TENM3: variants seen among roughly 807,000 people sequenced by gnomAD.
The protein encoded by TENM3 is teneurin-3.
A neutral mutation model predicts 255.1 loss-of-function variants in TENM3; 63 were observed. The ratio of observed to expected loss-of-function variants is 0.25; its 90% CI spans 0.20 to 0.30. The LOEUF (loss-of-function observed/expected upper bound fraction) is 0.30. TENM3 is among the 10% of genes least tolerant of loss of function. The probability of loss-of-function intolerance (pLI) is 1.00; values close to 1 mark genes in which losing one functional copy is unlikely to be tolerated. For synonymous variants in TENM3, 1,306 were observed against 1,322.3 expected (o/e 0.99, Z 0.27); for missense variants, 2,929 against 3,461.1 (o/e 0.85, Z 3.86).
At chr4:182,278,792 G>C (rs1327291337) in intron 1 of TENM3, among the ~76,000 whole-genome samples, 7 of 152,178 alleles carry the variant, frequency 4.6e-5, no homozygotes. Context: ...AAAATTGGTG[G>C]AGCACTAACT....
chr4:181,609,954 G>A, the TENM3 span, among the ~76,000 whole-genome samples: 7 of 152,052 alleles, frequency 4.6e-5, no homozygotes, highest in African/African-American at 7.3e-5. Context: ...TAAGAAAAAC[G>A]ACTGCCTGAG....
intron 24 of TENM3, among the ~76,000 whole-genome samples, chr4:182,787,505 G>C (rs957943438): frequency 6.6e-6 from 1 of 152,022 alleles, no homozygotes; most frequent in Non-Finnish European, 1.5e-5. Flanking sequence ...AGGCCAAGGT[G>C]GGTGGATCAC....
intron 3 of TENM3, among the ~76,000 whole-genome samples, chr4:182,533,237 G>A (rs887934612): frequency 3.3e-5 from 5 of 152,026 alleles, no homozygotes; most frequent in East Asian, 1.9e-4. Context: ...TATGAATAGG[G>A]GTCTGCAATC....
intron 3 of TENM3, among the ~76,000 whole-genome samples, chr4:182,594,185 T>C (rs1299024661): frequency 6.6e-6 from 1 of 152,180 alleles, no homozygotes; most frequent in Non-Finnish European, 1.5e-5. Flanking sequence ...ATTTTTGATT[T>C]TTATTTTTTT....
chr4:182,729,801 A>C (rs1426272119), intron 14 of TENM3, among the ~76,000 whole-genome samples: 1 of 152,142 alleles, frequency 6.6e-6, no homozygotes, highest in East Asian at 1.9e-4. Context: ...CGCCCCCTTA[A>C]ATCTTATACT....
the TENM3 span, among the ~76,000 whole-genome samples, chr4:181,784,946 G>T: frequency 6.6e-6 from 1 of 152,094 alleles, no homozygotes; most frequent in East Asian, 1.9e-4. Flanking sequence ...AATGTGGCTG[G>T]AGAAATGACA....
the TENM3 span, among the ~76,000 whole-genome samples, chr4:181,927,426 G>C: frequency 2.0e-5 from 3 of 152,228 alleles, no homozygotes; most frequent in African/African-American, 7.2e-5. Context: ...ACTGGGCGGA[G>C]CCCACCGCAG....
chr4:181,514,697 A>G, the TENM3 span, among the ~76,000 whole-genome samples: 1 of 152,194 alleles, frequency 6.6e-6, no homozygotes, highest in Non-Finnish European at 1.5e-5. Flanking sequence ...ACTATAGCAA[A>G]GTCTAAGAAA....
the TENM3 span, among the ~76,000 whole-genome samples, chr4:181,810,479 G>C: frequency 6.6e-6 from 1 of 151,810 alleles, no homozygotes; most frequent in Non-Finnish European, 1.5e-5. Flanking sequence ...TTTCTGCTTG[G>C]GGGGTAGTGA....
the TENM3 span, among the ~76,000 whole-genome samples, chr4:181,575,294 A>G: frequency 6.6e-6 from 1 of 152,098 alleles, no homozygotes; most frequent in Non-Finnish European, 1.5e-5. Context: ...TGTATCAATT[A>G]TTTTCTTGTT....
chr4:182,325,310 CT>C (rs995836475), intron 2 of TENM3, among the ~76,000 whole-genome samples: 1 of 152,260 alleles, frequency 6.6e-6, no homozygotes, highest in African/African-American at 2.4e-5. Flanking sequence ...TTCCATGGTT[CT>C]TTTCTTCCCT....
chr4:182,754,408 C>A lies in TENM3; in HGVS notation c.4041C>A (p.Asp1347Glu). The change falls in exon 22 of 28, where the codon GAC becomes GAA. Residue 1347 changes from aspartate (D) to glutamate (E), a missense_variant. By Grantham distance (45) the Asp-to-Glu change is conservative (BLOSUM62 2). Transcript: ENST00000511685. This position sits in a 1 kb window ranked among gnomAD's most constrained non-coding sequence, Gnocchi z 5.1. ...ISQVRLEWPTDLAINPMDNSI... is the reference protein window; with the variant it reads ...ISQVRLEWPTELAINPMDNSI... ...AGGTACGTCTGGAATGGCCCACTGA[C>A]CTAGCCATTAACCCTATGGATAACT... The A allele has an allele frequency of 6.2e-7, 1 of 1,606,516 alleles. No homozygotes were observed. The highest frequency in any genetic ancestry group is 8.5e-7 in the Non-Finnish European group (1 of 1,175,870).
At chr4:181,975,150 T>C in the TENM3 span, 1 of 151,632 alleles carries the variant, frequency 6.6e-6, no homozygotes. Context: ...TTTTTTTTTT[T>C]TTTTTGAAAC....
At chr4:182,785,298 C>T (rs552039877) in intron 24 of TENM3, among the ~76,000 whole-genome samples, 1 of 152,084 alleles carries the variant, frequency 6.6e-6, no homozygotes, top group South Asian at 2.1e-4. Context: ...TCTCAAACTG[C>T]TGACCTTAAG....
chr4:181,493,847 C>G, the TENM3 span, among the ~76,000 whole-genome samples: 1 of 152,118 alleles, frequency 6.6e-6, no homozygotes, highest in Middle Eastern at 3.2e-3. Flanking sequence ...CCCAAATTAA[C>G]GTGCCTATTC....
the TENM3 span, among the ~76,000 whole-genome samples, chr4:181,916,506 C>A: frequency 6.6e-6 from 1 of 152,048 alleles, no homozygotes; most frequent in African/African-American, 2.4e-5. Context: ...GATAAGGAAG[C>A]TGTTGAGACA....
In TENM3 at chr4:182,694,172, C is replaced by T. The variant is rs151096419; in HGVS notation, c.2221+5821C>T. On this transcript the variant is annotated intron_variant, in intron 12 of 27. Coordinates refer to ENST00000511685, the MANE Select transcript of TENM3 (RefSeq NM_001080477.4). ...TTGCCCAGGCTGGACTGCGGTGATACGGTCACGGCTCACTGCAGCCTCTGC... is the reference window on the plus strand; with the variant it reads ...TTGCCCAGGCTGGACTGCGGTGATATGGTCACGGCTCACTGCAGCCTCTGC... 1.0e-2 allele frequency among the ~76,000 whole-genome samples: 1,516 copies of T among 151,960 alleles called. 33 individuals are homozygous for T. The highest frequency in any genetic ancestry group is 0.034 in the African/African-American group (1,397 of 41,418).
chr4:182,548,404 T>A (rs1741664117), intron 3 of TENM3, among the ~76,000 whole-genome samples: 1 of 152,078 alleles, frequency 6.6e-6, no homozygotes, highest in African/African-American at 2.4e-5. Context: ...AGAACGTCCA[T>A]ACATAGAACC....
At chr4:181,553,545 C>T in the TENM3 span, among the ~76,000 whole-genome samples, 10,433 of 151,762 alleles carry the variant, frequency 0.069, 487 homozygotes, top group South Asian at 0.12. Context: ...GGGTTCACGT[C>T]ATTCTCCTGC....
Sources: gnomAD v4.1 joint callset for allele counts (sites outside exome capture counted in the v4.1 genomes callset) on GRCh38, gnomAD v4.1.1 for gene constraint, Gnocchi (gnomAD v3.1) non-coding constraint, MANE v1.5 for transcripts, NCBI Gene and HGNC (gene_info 2026-07-23, HGNC 2026-07-21) for gene names.